The following SSBP3 variants were observed in gnomAD, a reference collection of about 807,000 sequenced individuals.
The protein encoded by SSBP3 is single-stranded DNA-binding protein 3.
Under a neutral mutation model 69.6 loss-of-function variants are expected in SSBP3, and 5 were observed. That is an observed-to-expected ratio of 0.07 (90% CI 0.04 to 0.15). The LOEUF (loss-of-function observed/expected upper bound fraction) is 0.15, where lower values mean the gene tolerates loss of function less well. Among genes scored for constraint, SSBP3 ranks in the 10% least tolerant of loss-of-function variants. The pLI is 1.00. For missense variants in SSBP3, 312 were observed against 534.0 expected, an observed-to-expected ratio of 0.58 and a Z score of 4.10; for synonymous variants, 196 against 193.4, an observed-to-expected ratio of 1.01 and a Z score of -0.11.
intron 4 of SSBP3, among the ~76,000 whole-genome samples, chr1:54,365,583 C>CA (rs1647017719): frequency 6.6e-6 from 1 of 152,154 alleles, no homozygotes; most frequent in Admixed American, 6.5e-5. Flanking sequence ...CATGCCCTCC[C>CA]ACTCAAGTCA....
At position 54,405,107 on chromosome 1, in the gene SSBP3, G is replaced by A. The variant is rs1326063585; in HGVS notation, c.57-177C>T. On this transcript the variant is annotated intron_variant, in intron 1 of 17. Transcript: ENST00000610401. ...GCCGCCAGGTGCGAACAGTTAGGGG[G>A]TGGGGACCAGGGAACGCGTTACCTC... 2.0e-5 allele frequency among the ~76,000 whole-genome samples: 3 copies of A among 152,176 alleles called. No individual in the cohort carries two copies. In the South Asian group the frequency reaches 6.2e-4, roughly 31 times the overall value.
At chr1:54,272,418 C>T (rs1317713377) in intron 5 of SSBP3, among the ~76,000 whole-genome samples, 1 of 151,460 alleles carries the variant, frequency 6.6e-6, no homozygotes, top group Non-Finnish European at 1.5e-5. Flanking sequence ...CGTGTTATTA[C>T]AGGATTCTGC....
At chr1:54,375,528 C>G (rs1420413750) in intron 4 of SSBP3, among the ~76,000 whole-genome samples, 1 of 152,140 alleles carries the variant, frequency 6.6e-6, no homozygotes, top group African/African-American at 2.4e-5. Context: ...CTGCCAGCCA[C>G]TTTCACACCA....
upstream of SSBP3, among the ~76,000 whole-genome samples, chr1:54,406,575 C>T (rs1283505587): frequency 2.0e-5 from 3 of 151,844 alleles, no homozygotes; most frequent in African/African-American, 4.8e-5. Context: ...CGCGGAGCCG[C>T]TGCCTGCTCC....
intron 4 of SSBP3, among the ~76,000 whole-genome samples, chr1:54,366,606 C>T (rs1647032798): frequency 1.3e-5 from 2 of 152,166 alleles, no homozygotes; most frequent in Non-Finnish European, 2.9e-5. Flanking sequence ...GAAGGACATC[C>T]TCCAACTAGT....
At chr1:54,393,770 ATT>A (rs1648663996) in intron 4 of SSBP3, among the ~76,000 whole-genome samples, 1 of 152,040 alleles carries the variant, frequency 6.6e-6, no homozygotes, top group African/African-American at 2.4e-5. Context: ...TTATTTTTTT[ATT>A]TTTTTGAGAC....
intron 4 of SSBP3, among the ~76,000 whole-genome samples, chr1:54,361,773 C>T (rs913920645): frequency 2.6e-5 from 4 of 152,160 alleles, no homozygotes; most frequent in African/African-American, 9.7e-5. Flanking sequence ...CCTTTCCAGA[C>T]ATGCCAGATA....
rs115822534 is a variant in SSBP3, at chr1:54,275,993, C to T, written c.366+5445G>A. ...GCTTTTGGGCTACACACATTGTTTG[C>T]TCTTTCTCGTTCTCTCCCCATAACC... On this transcript the variant is annotated intron_variant, in intron 5 of 17. Coordinates refer to ENST00000610401, the Ensembl canonical transcript of SSBP3. 5.4e-3 allele frequency among the ~76,000 whole-genome samples: 829 copies of T among 152,292 alleles called. 6 individuals are homozygous for T. The highest frequency in any genetic ancestry group is 0.019 in the African/African-American group (792 of 41,558).
At chr1:54,378,419 A>T (rs924911776) in intron 4 of SSBP3, among the ~76,000 whole-genome samples, 11 of 152,104 alleles carry the variant, frequency 7.2e-5, no homozygotes, top group Non-Finnish European at 1.6e-4. Flanking sequence ...ACTCCAAACC[A>T]CTCAGAGCAG....
intron 4 of SSBP3, among the ~76,000 whole-genome samples, chr1:54,321,703 T>C (rs1490947629): frequency 1.3e-5 from 2 of 152,212 alleles, no homozygotes; most frequent in African/African-American, 4.8e-5. Flanking sequence ...TGGTAAGCCC[T>C]CAAAGGACAA....
At chr1:54,268,206 C>G (rs947605390) in intron 5 of SSBP3, among the ~76,000 whole-genome samples, 1 of 152,242 alleles carries the variant, frequency 6.6e-6, no homozygotes, top group South Asian at 2.1e-4. Flanking sequence ...ATGGGGTGAA[C>G]GTGGCCTTGC....
chr1:54,296,649 A>T (rs537838649), intron 4 of SSBP3, among the ~76,000 whole-genome samples: 6 of 152,200 alleles, frequency 3.9e-5, no homozygotes, highest in Non-Finnish European at 7.4e-5. Flanking sequence ...GAGGACAATA[A>T]GCACTGCCTG....
intron 4 of SSBP3, among the ~76,000 whole-genome samples, chr1:54,336,845 G>A (rs763715527): frequency 2.6e-5 from 4 of 152,152 alleles, no homozygotes; most frequent in Admixed American, 6.5e-5. Context: ...CCTCAGCCAC[G>A]TGCGTGGTAA....
rs746933473 is a variant in SSBP3 at position 54,276,608 on chromosome 1, C to CAAAAAAAAAAAAAAAAA, written c.366+4813_366+4829dup. 9.9e-4 allele frequency among the ~76,000 whole-genome samples: 35 copies of CAAAAAAAAAAAAAAAAA among 35,214 alleles called. 5 individuals are homozygous for CAAAAAAAAAAAAAAAAA. Among genetic ancestry groups the CAAAAAAAAAAAAAAAAA allele is most frequent in the African/African-American group, 5.1e-3 (34 of 6,692 alleles). 23.1% of individuals were successfully genotyped at this position (35,214 alleles called of 152,430 possible). A position where few individuals can be genotyped will look rare whatever the true frequency, so the allele number is the denominator to read the frequency against. On this transcript the variant is annotated intron_variant, in intron 5 of 17. Transcript: ENST00000610401. ...TGGGTGACAGAGTGAGACTCTGTCT[C>CAAAAAAAAAAAAAAAAA]AAAAAAAAAAAAAAAAAAAAAAAAA... is the stretch of plus-strand genomic sequence containing the variant.
At chr1:54,256,499 G>C (rs998329215) in intron 7 of SSBP3, among the ~76,000 whole-genome samples, 10 of 151,988 alleles carry the variant, frequency 6.6e-5, no homozygotes, top group African/African-American at 2.4e-4. Flanking sequence ...ATGGGCCAGC[G>C]TAAGGCATAT....
chr1:54,276,376 T>G (rs1188623613), intron 5 of SSBP3, among the ~76,000 whole-genome samples: 1 of 151,860 alleles, frequency 6.6e-6, no homozygotes, highest in Non-Finnish European at 1.5e-5. Context: ...CTGAGGAGGC[T>G]GAGGTGGGCG....
intron 4 of SSBP3, among the ~76,000 whole-genome samples, chr1:54,366,420 A>G (rs1488783573): frequency 6.6e-6 from 1 of 152,194 alleles, no homozygotes; most frequent in Non-Finnish European, 1.5e-5. Flanking sequence ...GAGGAATGTG[A>G]TGCTTGATCT....
intron 9 of SSBP3, among the ~76,000 whole-genome samples, chr1:54,246,243 C>T (rs886578136): frequency 2.6e-5 from 4 of 152,164 alleles, no homozygotes; most frequent in Admixed American, 6.5e-5. Context: ...TTAATGCTAC[C>T]GCAGCATTGC....
chr1:54,287,087 C>T (rs1645505032), intron 4 of SSBP3: 1 of 152,190 alleles, frequency 6.6e-6, no homozygotes, highest in African/African-American at 2.4e-5. Flanking sequence ...TTTCAAGAAC[C>T]CCAGCTATCC....
Sources: gnomAD v4.1 joint callset for allele counts (sites outside exome capture counted in the v4.1 genomes callset) on GRCh38, gnomAD v4.1.1 for gene constraint, MANE v1.5 for transcripts, NCBI Gene and HGNC (gene_info 2026-07-23, HGNC 2026-07-21) for gene names.